Variants in RGP1 observed in about 807,000 individuals in gnomAD.
RGP1 encodes RGP1 partner of RAB6A GEF complex, also known as RAB6A-GEF complex partner protein 2.
Under a neutral mutation model 44.5 loss-of-function variants are expected in RGP1, and 28 were observed. The observed-to-expected ratio is 0.63, with a 90% CI of 0.47 to 0.86. The LOEUF is 0.86. RGP1 is among the 40% of genes least tolerant of loss of function. The probability of loss-of-function intolerance (pLI) is 0.00; values close to 1 mark genes in which losing one functional copy is unlikely to be tolerated. For missense variants in RGP1, 417 were observed against 490.7 expected (o/e 0.85, Z 1.42); for synonymous variants, 212 against 196.7 (o/e 1.08, Z -0.65).
the RGP1 span, among the ~76,000 whole-genome samples, chr9:35,766,405 A>C: frequency 1.3e-5 from 2 of 152,148 alleles, no homozygotes; most frequent in African/African-American, 4.8e-5. Flanking sequence ...ATGAATTAAA[A>C]ATATTTTCCC....
chr9:35,751,555 G>C, intron 6 of RGP1, 72 bp from the exon 7 acceptor site: 1 of 1,604,252 alleles, frequency 6.2e-7, no homozygotes, highest in Non-Finnish European at 8.5e-7. Context: ...CCCATCTTTT[G>C]GCCTGTGGTG....
At position 35,757,985 on chromosome 9, in the gene RGP1, C is replaced by G. The variant is rs933295153; in HGVS notation, c.*5111C>G. The G allele has an allele frequency of 2.6e-5, 4 of 152,230 alleles. No individual in the cohort carries two copies. Among genetic ancestry groups the G allele is most frequent in the Admixed American group, 2.0e-4 (3 of 15,286 alleles). 9.4% of individuals were successfully genotyped at this position (152,230 alleles called of 1,614,324 possible). A position where few individuals can be genotyped will look rare whatever the true frequency, so the allele number is the denominator to read the frequency against. On this transcript the variant is annotated 3_prime_UTR_variant, in exon 9 of 9. Coordinates refer to ENST00000378078, the MANE Select transcript of RGP1 (RefSeq NM_001080496.3). ...TTGACTTAAAACCAAAAGTGAGGCT[C>G]TCAGATTGGTAATATGGTATTCAGC...
the RGP1 span, among the ~76,000 whole-genome samples, chr9:35,775,564 T>A: frequency 6.6e-6 from 1 of 151,922 alleles, no homozygotes; most frequent in Non-Finnish European, 1.5e-5. Context: ...GTGGAGGGAA[T>A]GGGAAGGAGC....
At chr9:35,788,549 G>A in the RGP1 span, among the ~76,000 whole-genome samples, 1 of 150,228 alleles carries the variant, frequency 6.7e-6, no homozygotes, top group Non-Finnish European at 1.5e-5. Context: ...CTGAGTAACA[G>A]AGTGAGACTC....
At chr9:35,788,676 A>G in the RGP1 span, among the ~76,000 whole-genome samples, 263 of 152,278 alleles carry the variant, frequency 1.7e-3, 1 homozygote, top group South Asian at 2.7e-3. Flanking sequence ...TGACAGTGCT[A>G]CAAAGAGAAA....
At chr9:35,782,212 A>C in the RGP1 span, among the ~76,000 whole-genome samples, 1 of 151,966 alleles carries the variant, frequency 6.6e-6, no homozygotes, top group Non-Finnish European at 1.5e-5. Context: ...TTATGTGTAG[A>C]GATAGGTTGT....
At position 35,753,836 on chromosome 9, in the gene RGP1, G is replaced by A; in HGVS notation, c.*962G>A. 1 of 1,538,232 alleles carries A rather than the reference G, an allele frequency of 6.5e-7. No individual in the cohort carries two copies. The highest frequency in any genetic ancestry group is 9.0e-7 in the Non-Finnish European group (1 of 1,115,604). On this transcript the variant is annotated 3_prime_UTR_variant, in exon 9 of 9. Coordinates refer to ENST00000378078, the MANE Select transcript of RGP1 (RefSeq NM_001080496.3). This position sits in a 1 kb window ranked among gnomAD's most constrained non-coding sequence, Gnocchi z 4.2. Reference sequence around the variant, plus strand: ...TGAGAGGCAGAGGCTCTTCTGGTCTGGGGTGGAGACAGTAAGTACGCACTA... The same window carrying A: ...TGAGAGGCAGAGGCTCTTCTGGTCTAGGGTGGAGACAGTAAGTACGCACTA...
rs1243202688 is a variant in RGP1, at chr9:35,756,927, T to TG, written c.*4059dup. The TG allele has an allele frequency of 1.3e-5, 2 of 152,044 alleles. No individual in the cohort carries two copies. Among genetic ancestry groups the TG allele is most frequent in the Non-Finnish European group, 1.5e-5 (1 of 68,310 alleles). The allele number at this position is 152,044 out of a possible 1,614,324, so 9.4% of individuals were successfully genotyped here. A position where few individuals can be genotyped will look rare whatever the true frequency, so the allele number is the denominator to read the frequency against. ...GAGCCAGGAGTCCTCTCCCAGAAGT[T>TG]GGGGGGCGGTGCAGAGGTGTGGGTC... On this transcript the variant is annotated 3_prime_UTR_variant, in exon 9 of 9. Coordinates refer to ENST00000378078, the MANE Select transcript of RGP1 (RefSeq NM_001080496.3).
the RGP1 span, among the ~76,000 whole-genome samples, chr9:35,767,945 G>A: frequency 5.3e-5 from 8 of 151,884 alleles, no homozygotes; most frequent in South Asian, 1.0e-3. Context: ...GATTACAGGC[G>A]CCCACCATGA....
chr9:35,752,764 G>T lies in RGP1; in HGVS notation c.1066G>T (p.Val356Leu). The change falls in exon 9 of 9, where the codon GTA (valine) becomes TTA (leucine). Residue 356 changes from valine (V) to leucine (L), a missense_variant. Physicochemically the swap from Val to Leu is conservative, Grantham distance 32 (BLOSUM62 1). Coordinates refer to ENST00000378078, the MANE Select transcript of RGP1 (RefSeq NM_001080496.3). ...EPTTWTGPEQ[V>L]PVDTFSWDLP... ...TACCACCTGGACAGGACCTGAGCAA[G>T]TACCTGTAGACACCTTCAGCTGGGA... is the stretch of plus-strand genomic sequence containing the variant. 1 of 1,613,852 alleles carries T rather than the reference G, an allele frequency of 6.2e-7. No individual in the cohort carries two copies. Among genetic ancestry groups the T allele is most frequent in the Non-Finnish European group, 8.5e-7 (1 of 1,179,836 alleles).
rs1173788099 is a variant in RGP1 at position 35,754,952 on chromosome 9, C to A, written c.*2078C>A. ...TTTCAAAGAGGAGCATCTCTAAGTG[C>A]CCTGATGGGATGAATCACTCCAGGT... On this transcript the variant is annotated 3_prime_UTR_variant, in exon 9 of 9. Transcript: ENST00000378078. 1 of 152,194 alleles carries A rather than the reference C, an allele frequency of 6.6e-6. No individual in the cohort carries two copies. The highest frequency in any genetic ancestry group is 6.5e-5 in the Admixed American group (1 of 15,288). The allele number at this position is 152,194 out of a possible 1,614,324, so 9.4% of individuals were successfully genotyped here. A position where few individuals can be genotyped will look rare whatever the true frequency, so the allele number is the denominator to read the frequency against.
Position 35,753,328 on chromosome 9 carries a change from CT to C in RGP1, c.*457del, listed in dbSNP as rs765699346. 2.0e-5 allele frequency: 31 copies of C among 1,580,764 alleles called. No individual in the cohort carries two copies. In the East Asian group the frequency reaches 6.7e-4, roughly 34 times the overall value. On this transcript the variant is annotated 3_prime_UTR_variant, in exon 9 of 9. Transcript: ENST00000378078. The surrounding 1 kb of genome is among the most constrained non-coding windows in gnomAD (Gnocchi z 4.2). ...AGGAGTCAGCACAGTGAAAGGCTGC[CT>C]TTATCCCTGCCCACATGTTCCCTCT...
chr9:35,752,264 C>G, intron 8 of RGP1, 119 bp downstream of exon 8: 1 of 1,008,940 alleles, frequency 9.9e-7, no homozygotes. Flanking sequence ...CGTCTAGCCT[C>G]TGACCCGGAA....
chr9:35,751,757 A>T lies in RGP1; in HGVS notation c.762+3A>T. ...AAGGAACCGTAGCTTGTTTGCAGGT[A>T]AGAAGGGAGCAGAGCTTCTTACCTG... On this transcript the variant is annotated splice_donor_region_variant and intron_variant, in intron 7 of 8. Coordinates refer to ENST00000378078, the MANE Select transcript of RGP1 (RefSeq NM_001080496.3). 6.2e-7 allele frequency: 1 copy of T among 1,613,892 alleles called. No individual in the cohort carries two copies. Among genetic ancestry groups the T allele is most frequent in the Non-Finnish European group, 8.5e-7 (1 of 1,179,844 alleles).
chr9:35,764,982 C>A, the RGP1 span, among the ~76,000 whole-genome samples: 6 of 151,968 alleles, frequency 3.9e-5, no homozygotes, highest in Non-Finnish European at 8.8e-5. Context: ...AAAAACTAGC[C>A]AGGCGTGGTG....
chr9:35,759,354 C>T (rs1257822767), downstream of RGP1, among the ~76,000 whole-genome samples: 1 of 151,928 alleles, frequency 6.6e-6, no homozygotes, highest in Non-Finnish European at 1.5e-5. Flanking sequence ...TGCTTGAGAC[C>T]AGGAGTTTGA....
chr9:35,769,975 G>A, the RGP1 span, among the ~76,000 whole-genome samples: 4 of 152,236 alleles, frequency 2.6e-5, no homozygotes, highest in African/African-American at 9.6e-5. Context: ...CCTGGGGGCA[G>A]GGACTGCTTC....
chr9:35,767,566 T>C, the RGP1 span, among the ~76,000 whole-genome samples: 2 of 152,208 alleles, frequency 1.3e-5, no homozygotes, highest in Non-Finnish European at 2.9e-5. Flanking sequence ...AGCTCTATGA[T>C]CTAGTCTTGG....
At chr9:35,769,248 TACCTGGCCCTGTCAG>T in the RGP1 span, among the ~76,000 whole-genome samples, 8 of 152,252 alleles carry the variant, frequency 5.3e-5, no homozygotes, top group African/African-American at 1.9e-4. Context: ...ACATCTACTG[TACCTGGCCCTGTCAG>T]ACTTGGGAGG....
Sources: gnomAD v4.1 joint callset for allele counts (sites outside exome capture counted in the v4.1 genomes callset) on GRCh38, gnomAD v4.1.1 for gene constraint, Gnocchi (gnomAD v3.1) non-coding constraint, MANE v1.5 for transcripts, NCBI Gene and HGNC (gene_info 2026-07-23, HGNC 2026-07-21) for gene names.